The following ERICH1 variants were observed in gnomAD, a reference collection of about 807,000 sequenced individuals.
ERICH1 encodes the protein glutamate-rich protein 1.
ERICH1 carries 56 observed loss-of-function variants against 39.6 expected under a neutral mutation model. The observed-to-expected ratio is 1.41, with a 90% CI of 1.14 to 1.77. ERICH1 has a LOEUF of 1.77. Ranked by LOEUF, ERICH1 falls within the 40% of genes most tolerant of loss-of-function variation. The pLI, the probability that ERICH1 is intolerant of heterozygous loss-of-function variation, is 0.00. For synonymous variants in ERICH1, 313 were observed against 223.6 expected (o/e 1.40, Z -3.57); for missense variants, 826 against 575.4 (o/e 1.44, Z -4.45).
At position 645,359 on chromosome 8, in the gene ERICH1, C is replaced by T. The variant is rs1301697558; in HGVS notation, c.976+23239G>A. 5.8e-5 allele frequency among the ~76,000 whole-genome samples: 4 copies of T among 69,248 alleles called. 2 individuals carry two copies. Among genetic ancestry groups the T allele is most frequent in the African/African-American group, 7.3e-5 (2 of 27,522 alleles). 45.4% of individuals were successfully genotyped at this position (69,248 alleles called of 152,430 possible). On this transcript the variant is annotated intron_variant, in intron 3 of 3. Coordinates refer to the ERICH1 transcript ENST00000522706. ...AAAAACTTTCAATCTAACTTTCCCCCGAAATGATACAAGCAGGGTTTATTT... is the reference window on the plus strand; with the variant it reads ...AAAAACTTTCAATCTAACTTTCCCCTGAAATGATACAAGCAGGGTTTATTT...
intron 3 of ERICH1, among the ~76,000 whole-genome samples, chr8:685,669 C>A (rs892256522): frequency 6.6e-6 from 1 of 152,182 alleles, no homozygotes; most frequent in Non-Finnish European, 1.5e-5. Context: ...TTCTCTGTCA[C>A]GCCTTCAGCC....
chr8:664,662 T>C lies in ERICH1; in HGVS notation c.1273A>G (p.Ile425Val). The C allele has an allele frequency of 6.2e-7, 1 of 1,612,120 alleles. No individual in the cohort carries two copies. Among genetic ancestry groups the C allele is most frequent in the Non-Finnish European group, 8.5e-7 (1 of 1,179,380 alleles). ...ATCCAGTAACTAAAGAAAGCTGAGA[T>C]TACTCTGGCATGGTCTAGAAAGCAA... The part of the protein sequence containing the change: ...CTMPPDHARV[I>V]SAFFSYWITH... Residue 425 changes from isoleucine (I) to valine (V), a missense_variant, in exon 6 of 6, where the codon ATC becomes GTC. Transcript: ENST00000262109.
intron 3 of ERICH1, among the ~76,000 whole-genome samples, chr8:680,666 C>A (rs1394634399): frequency 6.6e-6 from 1 of 152,162 alleles, no homozygotes; most frequent in Admixed American, 6.6e-5. Flanking sequence ...CTTGTAAACA[C>A]AGAAAATCCA....
At chr8:700,263 GCCCGCACAGGCGCACAGA>G (rs1811660168) in intron 2 of ERICH1, among the ~76,000 whole-genome samples, 6 of 54,236 alleles carry the variant, frequency 1.1e-4, no homozygotes, top group Non-Finnish European at 1.9e-4. Flanking sequence ...ACGCGCACAG[GCCCGCACAGGCGCACAGA>G]CCCGCACAGG....
chr8:627,037 G>A lies in ERICH1; in HGVS notation c.977-11753C>T, dbSNP rs1797627306. The A allele has an allele frequency of 2.7e-4, 121 of 445,788 alleles. 2 individuals carry two copies. Among genetic ancestry groups the A allele is most frequent in the South Asian group, 1.9e-3 (121 of 63,936 alleles). The allele number at this position is 445,788 out of a possible 1,614,324, so 27.6% of individuals were successfully genotyped here. ...GTCATGGTGTCCGACACTCCCTTCT[G>A]TCTCCTCGGAGGGCCAGGCTTCCGT... On this transcript the variant is annotated intron_variant, in intron 3 of 3. Transcript: ENST00000522706.
At position 692,535 on chromosome 8, in the gene ERICH1, G is replaced by C. The variant is rs748233668; in HGVS notation, c.247C>G (p.Pro83Ala). The change falls in exon 3 of 6, where the codon CCG becomes GCG. Residue 83 changes from proline (P) to alanine (A), a missense_variant. Pro to Ala is a conservative substitution (Grantham distance 27). Transcript: ENST00000262109. Reference sequence around the variant, plus strand: ...GGGCTCCCACAGCTGCTGGGCTCCGGCCAACAGGGGACGTAGCCCTCAGGA... The same window carrying C: ...GGGCTCCCACAGCTGCTGGGCTCCGCCCAACAGGGGACGTAGCCCTCAGGA... ...GPPEGYVPCW[P>A]EPSSCGSPEN... is the part of the protein sequence containing the mutation. The C allele has an allele frequency of 7.4e-6, 12 of 1,613,856 alleles. No individual in the cohort carries two copies. The African/African-American group carries it at 1.6e-4, about 22-fold the overall frequency.
intron 3 of ERICH1, among the ~76,000 whole-genome samples, chr8:652,630 T>TG (rs1800118916): frequency 6.6e-6 from 1 of 152,194 alleles, no homozygotes; most frequent in Non-Finnish European, 1.5e-5. Context: ...GTCTTAGGCA[T>TG]GAATAATGGT....
intron 2 of ERICH1, among the ~76,000 whole-genome samples, chr8:715,209 C>A (rs1285274770): frequency 6.6e-6 from 1 of 150,814 alleles, no homozygotes; most frequent in East Asian, 1.9e-4. Context: ...CAGGTGGTCT[C>A]TTCTCGTGTC....
intron 3 of ERICH1, among the ~76,000 whole-genome samples, chr8:653,554 A>G (rs1284565834): frequency 2.0e-5 from 3 of 152,204 alleles, no homozygotes; most frequent in Admixed American, 1.3e-4. Context: ...GACCACGAGG[A>G]ATCCCTGGAG....
intron 3 of ERICH1, among the ~76,000 whole-genome samples, chr8:637,860 C>T (rs572727649): frequency 6.6e-6 from 1 of 152,314 alleles, no homozygotes; most frequent in East Asian, 1.9e-4. Flanking sequence ...GCACAGCAGC[C>T]AGGGTCCTGC....
chr8:665,834 C>T (rs1009252274), intron 5 of ERICH1, among the ~76,000 whole-genome samples: 7 of 152,216 alleles, frequency 4.6e-5, no homozygotes, highest in Non-Finnish European at 1.0e-4. Flanking sequence ...AACACCCACA[C>T]CTGCTTCTCA....
At chr8:689,662 C>T (rs1038356684) in intron 3 of ERICH1, among the ~76,000 whole-genome samples, 1 of 152,194 alleles carries the variant, frequency 6.6e-6, no homozygotes, top group Non-Finnish European at 1.5e-5. Flanking sequence ...AATTACATGG[C>T]TGGACTTGTT....
intron 3 of ERICH1, chr8:640,680 A>G (rs566899567): frequency 6.6e-6 from 1 of 152,310 alleles, no homozygotes; most frequent in South Asian, 2.1e-4. Flanking sequence ...GTGCACGACA[A>G]TGTACGGATG....
At chr8:666,820 C>G (rs1382540726) in intron 5 of ERICH1, 2 of 152,648 alleles carry the variant, frequency 1.3e-5, no homozygotes, top group African/African-American at 4.8e-5. Context: ...CAGTGCCTCA[C>G]CGGCCACTCG....
chr8:650,208 C>T (rs1799772696), intron 3 of ERICH1, among the ~76,000 whole-genome samples: 1 of 152,328 alleles, frequency 6.6e-6, no homozygotes, highest in Admixed American at 6.5e-5. Context: ...AGCTGCGTCC[C>T]GTTCCGTGCT....
intron 3 of ERICH1, 89 bp from the exon 4 acceptor site, chr8:674,136 G>A: frequency 1.4e-6 from 2 of 1,392,842 alleles, no homozygotes; most frequent in Middle Eastern, 2.6e-4. Flanking sequence ...TCAGGATCTT[G>A]TAGTTTTAGT....
chr8:698,305 G>A (rs1252713632), intron 2 of ERICH1, among the ~76,000 whole-genome samples: 2 of 149,666 alleles, frequency 1.3e-5, no homozygotes, highest in East Asian at 4.0e-4. Flanking sequence ...TGCAACTTCT[G>A]CCTCCCAGGT....
At chr8:665,189 C>T (rs947255372) in intron 5 of ERICH1, among the ~76,000 whole-genome samples, 2 of 145,942 alleles carry the variant, frequency 1.4e-5, no homozygotes, top group Non-Finnish European at 3.0e-5. Context: ...ATGCCACAAT[C>T]GCCCCTGATG....
chr8:623,031 CA>C (rs988404904), intron 3 of ERICH1, among the ~76,000 whole-genome samples: 1 of 151,628 alleles, frequency 6.6e-6, no homozygotes, highest in African/African-American at 2.4e-5. Flanking sequence ...CCAATCCTAC[CA>C]AAAAAACAGA....
Sources: gnomAD v4.1 joint callset for allele counts (sites outside exome capture counted in the v4.1 genomes callset) on GRCh38, gnomAD v4.1.1 for gene constraint, MANE v1.5 for transcripts, NCBI Gene and HGNC (gene_info 2026-07-23, HGNC 2026-07-21) for gene names.